The following PCLO variants were observed in gnomAD, a reference collection of about 807,000 sequenced individuals.
PCLO encodes the protein protein piccolo.
A neutral mutation model predicts 427.5 loss-of-function variants in PCLO; 82 were observed. The ratio of observed to expected loss-of-function variants is 0.19; its 90% CI spans 0.16 to 0.23. PCLO has a LOEUF of 0.23. Ranked by LOEUF, PCLO falls within the 10% of genes least tolerant of loss-of-function variation. The probability of loss-of-function intolerance (pLI) is 1.00; values close to 1 mark genes in which losing one functional copy is unlikely to be tolerated. For missense variants in PCLO, 6,239 were observed against 6,115.9 expected, an observed-to-expected ratio of 1.02 and a Z score of -0.67; for synonymous variants, 2,357 against 2,155.4, an observed-to-expected ratio of 1.09 and a Z score of -2.59.
intron 14 of PCLO, among the ~76,000 whole-genome samples, chr7:82,838,613 G>T (rs939660059): frequency 1.3e-5 from 2 of 151,856 alleles, no homozygotes; most frequent in Admixed American, 6.6e-5. Context: ...TCATAAGGTA[G>T]AATGCTGGTT....
In PCLO at chr7:82,953,217, G is replaced by C. The variant is rs1323913712; in HGVS notation, c.7736C>G (p.Thr2579Ser). The C allele has an allele frequency of 6.2e-7, 1 of 1,613,970 alleles. No homozygotes were observed. The highest frequency in any genetic ancestry group is 1.1e-5 in the South Asian group (1 of 91,074). ...SPRFSKSLTE[T>S]YVVITLPSEP... ...AGATGGCAATGTAATAACTACATAA[G>C]TTTCTGTGAGGGATTTGGAAAATCT... Residue 2579 changes from threonine to serine, a missense_variant, in exon 5 of 25, where the codon ACT becomes AGT. Transcript: ENST00000333891.
At chr7:82,881,008 C>G (rs932090755) in intron 9 of PCLO, among the ~76,000 whole-genome samples, 2 of 151,978 alleles carry the variant, frequency 1.3e-5, no homozygotes, top group African/African-American at 2.4e-5. Context: ...TTTTCTTTTC[C>G]CAGCAAGTCC....
intron 17 of PCLO, 101 bp downstream of exon 17, chr7:82,827,772 T>C: frequency 1.6e-6 from 1 of 618,576 alleles, no homozygotes. Flanking sequence ...CTTTTTTTGT[T>C]TGATTGGCAA....
intron 7 of PCLO, among the ~76,000 whole-genome samples, chr7:82,911,149 T>C (rs978977679): frequency 6.6e-6 from 1 of 152,114 alleles, no homozygotes; most frequent in Admixed American, 6.6e-5. Context: ...TTATTACCAA[T>C]AATTCTGATT....
chr7:83,130,745 G>A (rs1023858666), intron 3 of PCLO, among the ~76,000 whole-genome samples: 1 of 152,054 alleles, frequency 6.6e-6, no homozygotes, highest in African/African-American at 2.4e-5. Flanking sequence ...AAGCCACCCA[G>A]GCAGACAGAG....
At chr7:83,012,335 C>T (rs1311321489) in intron 3 of PCLO, among the ~76,000 whole-genome samples, 2 of 151,850 alleles carry the variant, frequency 1.3e-5, no homozygotes, top group African/African-American at 2.4e-5. Flanking sequence ...AAGGAAAAGC[C>T]AGCCAGGTGC....
chr7:82,812,805 A>G (rs1791599794), intron 20 of PCLO, among the ~76,000 whole-genome samples: 1 of 151,500 alleles, frequency 6.6e-6, no homozygotes, highest in African/African-American at 2.4e-5. Flanking sequence ...TAATTTTTCA[A>G]TCTTCCTTTT....
At chr7:83,021,809 C>T (rs1295565191) in intron 3 of PCLO, among the ~76,000 whole-genome samples, 1 of 152,036 alleles carries the variant, frequency 6.6e-6, no homozygotes, top group African/African-American at 2.4e-5. Context: ...AGCTAAATTA[C>T]AAACTTTACC....
intron 3 of PCLO, among the ~76,000 whole-genome samples, chr7:83,093,492 A>ATATATTTTTTTTTTTTT: frequency 1.7e-4 from 10 of 59,320 alleles, no homozygotes; most frequent in African/African-American, 5.4e-4. Context: ...ATATATATAT[A>ATATATTTTTTTTTTTTT]TTTTTTTTTT....
In PCLO at chr7:82,807,336, C is replaced by T. The variant is rs141420846; in HGVS notation, c.14792-1507G>A. On this transcript the variant is annotated intron_variant, in intron 20 of 24. Transcript: ENST00000333891. ...GTCTTTTTTCTTCATAAATGCGTCC[C>T]TATCCCATTAGGAGTTTATTAGCCA... 5.8e-4 allele frequency among the ~76,000 whole-genome samples: 89 copies of T among 152,278 alleles called. 1 individual carries two copies. In the East Asian group the frequency reaches 0.016, roughly 27 times the overall value.
intron 6 of PCLO, among the ~76,000 whole-genome samples, chr7:82,942,537 A>C (rs1299274607): frequency 6.6e-6 from 1 of 152,166 alleles, no homozygotes; most frequent in Non-Finnish European, 1.5e-5. Flanking sequence ...GTGAATAGGA[A>C]TGTTAACTAC....
At chr7:83,136,186 T>C (rs1791725180) in intron 2 of PCLO, among the ~76,000 whole-genome samples, 1 of 152,114 alleles carries the variant, frequency 6.6e-6, no homozygotes, top group Non-Finnish European at 1.5e-5. Context: ...AAATATAGTT[T>C]TGTGTTTCTT....
chr7:83,092,241 A>T (rs1790395498), intron 3 of PCLO, among the ~76,000 whole-genome samples: 1 of 152,140 alleles, frequency 6.6e-6, no homozygotes, highest in African/African-American at 2.4e-5. Flanking sequence ...CACTATCTGA[A>T]ATACTGCCAT....
chr7:82,893,917 A>T (rs1382682212), intron 9 of PCLO, among the ~76,000 whole-genome samples: 1 of 151,952 alleles, frequency 6.6e-6, no homozygotes, highest in Non-Finnish European at 1.5e-5. Flanking sequence ...TCAATACTAT[A>T]ATGGAATATT....
intron 3 of PCLO, among the ~76,000 whole-genome samples, chr7:83,038,016 TATA>T: frequency 1.8e-5 from 1 of 54,096 alleles, no homozygotes; most frequent in Non-Finnish European, 3.1e-5. Context: ...TATATATATA[TATA>T]TATATATATA....
chr7:82,970,292 C>T (rs930255848), intron 3 of PCLO, among the ~76,000 whole-genome samples: 1 of 151,974 alleles, frequency 6.6e-6, no homozygotes, highest in Non-Finnish European at 1.5e-5. Flanking sequence ...CATAACTAGA[C>T]ATTTTGTAGA....
chr7:82,924,223 A>C (rs745536150), intron 6 of PCLO, among the ~76,000 whole-genome samples: 1 of 152,102 alleles, frequency 6.6e-6, no homozygotes, highest in Non-Finnish European at 1.5e-5. Flanking sequence ...AGGGTAAACA[A>C]AAAAGATACA....
At chr7:83,089,432 CA>C (rs1401675132) in intron 3 of PCLO, among the ~76,000 whole-genome samples, 1 of 152,006 alleles carries the variant, frequency 6.6e-6, no homozygotes, top group Non-Finnish European at 1.5e-5. Context: ...CCCCCCTGAC[CA>C]AAATGCTCAT....
intron 3 of PCLO, among the ~76,000 whole-genome samples, chr7:82,993,418 G>C (rs1796422817): frequency 6.6e-6 from 1 of 151,846 alleles, no homozygotes; most frequent in South Asian, 2.1e-4. Context: ...ATAGAGTAAG[G>C]CTTTGGCATT....
Sources: gnomAD v4.1 joint callset for allele counts (sites outside exome capture counted in the v4.1 genomes callset) on GRCh38, gnomAD v4.1.1 for gene constraint, MANE v1.5 for transcripts, NCBI Gene and HGNC (gene_info 2026-07-23, HGNC 2026-07-21) for gene names.